STK39: variants seen among roughly 807,000 people sequenced by gnomAD.
STK39 encodes STE20/SPS1-related proline-alanine-rich protein kinase.
Under a neutral mutation model 77.8 loss-of-function variants are expected in STK39, and 20 were observed. The observed-to-expected ratio is 0.26, with a 90% CI of 0.18 to 0.37. The LOEUF is 0.37. Among genes scored for constraint, STK39 ranks in the 10% least tolerant of loss-of-function variants. STK39 has a pLI of 1.00. For missense variants in STK39, 479 were observed against 656.5 expected (o/e 0.73, Z 2.95); for synonymous variants, 246 against 234.1 (o/e 1.05, Z -0.47).
intron 16 of STK39, among the ~76,000 whole-genome samples, chr2:167,982,146 A>G (rs957160470): frequency 1.2e-4 from 19 of 152,236 alleles, no homozygotes; most frequent in Admixed American, 1.0e-3. Context: ...CGGCTTGAAC[A>G]TTCTTGTTAT....
At chr2:168,216,428 C>T (rs990534229) in intron 1 of STK39, among the ~76,000 whole-genome samples, 6 of 152,196 alleles carry the variant, frequency 3.9e-5, no homozygotes, top group African/African-American at 1.2e-4. Context: ...AAAATATTTT[C>T]CTAATTTACG....
At chr2:168,246,834 A>ACACCC (rs1208909695) in intron 1 of STK39, among the ~76,000 whole-genome samples, 1 of 151,682 alleles carries the variant, frequency 6.6e-6, no homozygotes, top group Non-Finnish European at 1.5e-5. Flanking sequence ...CCCCGCAACC[A>ACACCC]CACCCCACCC....
At chr2:168,017,172 C>A in intron 14 of STK39, 77 bp from the exon 15 acceptor site, 1 of 949,370 alleles carries the variant, frequency 1.1e-6, no homozygotes, top group Non-Finnish European at 1.6e-6. Flanking sequence ...CAGATTTTCA[C>A]AAGATGCTAC....
chr2:168,003,602 G>A, intron 16 of STK39, among the ~76,000 whole-genome samples: 1 of 151,908 alleles, frequency 6.6e-6, no homozygotes, highest in Non-Finnish European at 1.5e-5. Flanking sequence ...ATTTATTTCT[G>A]GTAAAAATAT....
At chr2:168,152,950 C>A (rs1245514160) in intron 5 of STK39, among the ~76,000 whole-genome samples, 2 of 152,150 alleles carry the variant, frequency 1.3e-5, no homozygotes, top group African/African-American at 4.8e-5. Context: ...GCCACAATAG[C>A]CCATCTGTAC....
At chr2:168,021,322 T>C (rs1191053497) in intron 14 of STK39, among the ~76,000 whole-genome samples, 1 of 152,198 alleles carries the variant, frequency 6.6e-6, no homozygotes, top group African/African-American at 2.4e-5. Context: ...AGTCAAGTCA[T>C]TCTTTTTATG....
intron 15 of STK39, 101 bp downstream of exon 15, chr2:168,016,942 A>G: frequency 3.2e-6 from 3 of 929,254 alleles, no homozygotes; most frequent in Non-Finnish European, 4.8e-6. Context: ...CTTCACTATT[A>G]AACAAAGCAG....
intron 16 of STK39, among the ~76,000 whole-genome samples, chr2:168,008,877 T>C (rs1204618415): frequency 1.3e-5 from 2 of 152,112 alleles, no homozygotes; most frequent in Admixed American, 1.3e-4. Flanking sequence ...AGGTCAAGCA[T>C]GATAAGGACT....
At chr2:167,970,244 T>C (rs956357421) in intron 16 of STK39, among the ~76,000 whole-genome samples, 2 of 152,244 alleles carry the variant, frequency 1.3e-5, no homozygotes, top group African/African-American at 4.8e-5. Flanking sequence ...ACATTATTTC[T>C]GGATGCGGCC....
chr2:168,191,178 A>G (rs1161834025), intron 1 of STK39, among the ~76,000 whole-genome samples: 1 of 152,198 alleles, frequency 6.6e-6, no homozygotes, highest in Non-Finnish European at 1.5e-5. Context: ...CTTTGCATAA[A>G]TAAGAAAAAG....
At position 168,138,129 on chromosome 2, in the gene STK39, T is replaced by C. The variant is rs529143773; in HGVS notation, c.933A>G (p.Arg311=). ...EMMKKYGKSF[R]KLLSLCLQKD... ...TCTGAAGACACAGTGAAAGTAATTTTCTAAAGGACTTGCCGTACTTTTTCA... is the reference window on the plus strand; with the variant it reads ...TCTGAAGACACAGTGAAAGTAATTTCCTAAAGGACTTGCCGTACTTTTTCA... The change falls in exon 8 of 18, where the codon AGA becomes AGG. Residue 311 remains arginine, a synonymous_variant. Transcript: ENST00000355999. 2 of 1,614,064 alleles carry C rather than the reference T, an allele frequency of 1.2e-6. No individual in the cohort carries two copies. Among genetic ancestry groups the C allele is most frequent in the African/African-American group, 1.3e-5 (1 of 75,066 alleles).
chr2:168,043,426 T>C (rs372330200), intron 14 of STK39, among the ~76,000 whole-genome samples: 7 of 152,278 alleles, frequency 4.6e-5, no homozygotes, highest in Admixed American at 2.6e-4. Flanking sequence ...TAAGTGTGTA[T>C]ATACAGCAAA....
chr2:168,112,442 T>G (rs1308059910), intron 10 of STK39, among the ~76,000 whole-genome samples: 1 of 152,094 alleles, frequency 6.6e-6, no homozygotes, highest in African/African-American at 2.4e-5. Context: ...TCACAATATC[T>G]AGTTGTTTGA....
chr2:168,082,720 C>T (rs1002013519), intron 10 of STK39, among the ~76,000 whole-genome samples: 4 of 152,184 alleles, frequency 2.6e-5, no homozygotes, highest in African/African-American at 9.7e-5. Context: ...CCATGGCCTC[C>T]CTGACCTCAT....
At chr2:168,080,966 C>T (rs1686214409) in intron 10 of STK39, among the ~76,000 whole-genome samples, 2 of 152,180 alleles carry the variant, frequency 1.3e-5, no homozygotes, top group African/African-American at 4.8e-5. Flanking sequence ...GAACCTCTGC[C>T]TAGATTTAGG....
chr2:168,101,565 C>CAA (rs1686827086), intron 10 of STK39, among the ~76,000 whole-genome samples: 1 of 151,874 alleles, frequency 6.6e-6, no homozygotes, highest in Non-Finnish European at 1.5e-5. Flanking sequence ...TGGTGAAACC[C>CAA]CATCTCTACT....
intron 16 of STK39, among the ~76,000 whole-genome samples, chr2:168,011,419 G>GT (rs1434819364): frequency 6.6e-6 from 1 of 151,950 alleles, no homozygotes. Flanking sequence ...ATTCCCCTAA[G>GT]TAATACATTA....
chr2:168,147,209 C>A (rs561558089), intron 5 of STK39, among the ~76,000 whole-genome samples: 2 of 152,138 alleles, frequency 1.3e-5, no homozygotes, highest in African/African-American at 4.8e-5. Context: ...ATCATGAAAA[C>A]CTATCTCTTT....
chr2:168,122,374 T>C (rs1687430671), intron 10 of STK39, among the ~76,000 whole-genome samples: 1 of 152,236 alleles, frequency 6.6e-6, no homozygotes, highest in South Asian at 2.1e-4. Flanking sequence ...CTTGTTCTTT[T>C]TTATGGCTGT....
Sources: allele counts gnomAD v4.1 joint callset (sites outside exome capture counted in the v4.1 genomes callset), GRCh38; gene constraint gnomAD v4.1.1; transcripts MANE v1.5; gene names NCBI Gene and HGNC (gene_info 2026-07-23, HGNC 2026-07-21).